The following NTRK2 variants were observed in gnomAD, a reference collection of about 807,000 sequenced individuals.
NTRK2 encodes neurotrophic receptor tyrosine kinase 2, also known as BDNF/NT-3 growth factors receptor.
NTRK2 carries 13 observed loss-of-function variants against 94.5 expected under a neutral mutation model. That is an observed-to-expected ratio of 0.14 (90% confidence interval 0.09 to 0.22). NTRK2 has a LOEUF of 0.22. Among genes scored for constraint, NTRK2 ranks in the 10% least tolerant of loss-of-function variants. NTRK2 has a pLI of 1.00. For synonymous variants in NTRK2, 372 were observed against 407.4 expected (o/e 0.91, Z 1.05); for missense variants, 639 against 1,071.2 (o/e 0.60, Z 5.63).
At chr9:84,876,652 C>T (rs1396822192) in intron 14 of NTRK2, 6 of 1,059,146 alleles carry the variant, frequency 5.7e-6, no homozygotes, top group African/African-American at 4.9e-5. Flanking sequence ...TTTCCATCCT[C>T]CCATTTTTTT....
At chr9:84,834,673 G>A (rs760521474) in intron 12 of NTRK2, among the ~76,000 whole-genome samples, 9 of 152,138 alleles carry the variant, frequency 5.9e-5, no homozygotes, top group South Asian at 4.1e-4. Flanking sequence ...CTGCGCACAT[G>A]TTGAGAGTTC....
intron 14 of NTRK2, among the ~76,000 whole-genome samples, chr9:84,888,304 A>G (rs1255833265): frequency 6.6e-6 from 1 of 152,092 alleles, no homozygotes; most frequent in Non-Finnish European, 1.5e-5. Context: ...AGATGAGGAA[A>G]GGGATGCTTG....
intron 17 of NTRK2, among the ~76,000 whole-genome samples, chr9:84,990,041 G>A (rs903304351): frequency 1.3e-5 from 2 of 152,138 alleles, no homozygotes; most frequent in African/African-American, 4.8e-5. Context: ...CCTTGCTCAG[G>A]CAGCACAGAC....
In NTRK2 at chr9:84,709,572, G is replaced by A. The variant is rs191612286; in HGVS notation, c.429-1065G>A. 3.2e-4 allele frequency among the ~76,000 whole-genome samples: 48 copies of A among 152,200 alleles called. 1 individual carries two copies. The highest frequency in any genetic ancestry group is 1.2e-3 in the African/African-American group (48 of 41,522). ...AAGAAACTCCTGGAAAAGTCTCCAGGGATCCCTGAGATTCTTAGAACCCAA... is the reference window on the plus strand; with the variant it reads ...AAGAAACTCCTGGAAAAGTCTCCAGAGATCCCTGAGATTCTTAGAACCCAA... On this transcript the variant is annotated intron_variant, in intron 5 of 18. Coordinates refer to ENST00000277120, the MANE Select transcript of NTRK2 (RefSeq NM_006180.6).
At position 84,707,804 on chromosome 9, in the gene NTRK2, A is replaced by G. The variant is rs368928501; in HGVS notation, c.360-40A>G. 3.4e-6 allele frequency: 5 copies of G among 1,484,340 alleles called. No individual in the cohort carries two copies. In the African/African-American group the frequency reaches 6.9e-5, roughly 20 times the overall value. The allele number at this position is 1,484,340 out of a possible 1,614,324, so 91.9% of individuals were successfully genotyped here. ...TTGAATACTGTGTTCCTAAAATGTA[A>G]CATTTTAAATTCATGTTTAATGTTT... On this transcript the variant is annotated intron_variant, in intron 4 of 18. Coordinates refer to ENST00000277120, the MANE Select transcript of NTRK2 (RefSeq NM_006180.6).
chr9:84,940,733 T>C (rs1587996074), intron 15 of NTRK2, among the ~76,000 whole-genome samples: 1 of 147,580 alleles, frequency 6.8e-6, no homozygotes, highest in South Asian at 2.1e-4. Context: ...TCTGGAACAG[T>C]TTAAAAAAAA....
At chr9:84,815,083 C>T (rs1429802922) in intron 12 of NTRK2, 2 of 1,058,302 alleles carry the variant, frequency 1.9e-6, no homozygotes, top group Non-Finnish European at 2.3e-6. Context: ...AGTTCCATGA[C>T]AATGACTGTC....
At chr9:84,720,445 T>A (rs550818230) in intron 6 of NTRK2, among the ~76,000 whole-genome samples, 1 of 152,340 alleles carries the variant, frequency 6.6e-6, no homozygotes, top group East Asian at 1.9e-4. Flanking sequence ...TGGAAGAGCA[T>A]TATTTGAATA....
chr9:84,869,468 T>A (rs1163479144), intron 14 of NTRK2, among the ~76,000 whole-genome samples: 1 of 152,194 alleles, frequency 6.6e-6, no homozygotes, highest in Non-Finnish European at 1.5e-5. Flanking sequence ...ATAACAAATC[T>A]TCCATGAATC....
intron 17 of NTRK2, among the ~76,000 whole-genome samples, chr9:84,978,945 A>G (rs1827248885): frequency 6.6e-6 from 1 of 152,214 alleles, no homozygotes; most frequent in Non-Finnish European, 1.5e-5. Flanking sequence ...GGTTAACTGA[A>G]TATTTTAAGC....
intron 6 of NTRK2, among the ~76,000 whole-genome samples, chr9:84,720,565 G>A (rs2061994678): frequency 6.6e-6 from 1 of 152,098 alleles, no homozygotes; most frequent in African/African-American, 2.4e-5. Flanking sequence ...TCATAAATTT[G>A]TGCGATGTTT....
At chr9:84,926,843 C>G (rs1587956377) in intron 14 of NTRK2, among the ~76,000 whole-genome samples, 1 of 152,258 alleles carries the variant, frequency 6.6e-6, no homozygotes. Flanking sequence ...TTGAGTATGC[C>G]CATAGGTGTT....
chr9:84,872,364 A>AT lies in NTRK2; in HGVS notation c.1633+4933_1633+4934insT. 8.2e-6 allele frequency: 9 copies of AT among 1,099,464 alleles called. No homozygotes were observed. The South Asian group carries it at 1.6e-4, about 19-fold the overall frequency. The allele number at this position is 1,099,464 out of a possible 1,614,324, so 68.1% of individuals were successfully genotyped here. A position where few individuals can be genotyped will look rare whatever the true frequency, so the allele number is the denominator to read the frequency against. The stretch of plus-strand genomic sequence containing the variant: ...AAATCATCAATCTTGGGTTCTCTTG[A>AT]AGGGCAGGAGTGTGTTTTATCTTCT... On this transcript the variant is annotated intron_variant, in intron 14 of 18. Transcript: ENST00000277120.
intron 17 of NTRK2, among the ~76,000 whole-genome samples, chr9:84,967,448 T>C (rs1336452411): frequency 6.6e-6 from 1 of 152,220 alleles, no homozygotes; most frequent in African/African-American, 2.4e-5. Flanking sequence ...AAGGTATCCT[T>C]GTGGGTGTCT....
At chr9:84,839,158 A>T (rs529855962) in intron 12 of NTRK2, among the ~76,000 whole-genome samples, 2 of 152,200 alleles carry the variant, frequency 1.3e-5, no homozygotes, top group Non-Finnish European at 2.9e-5. Context: ...TTTGTCAGAA[A>T]GTTTCTGTTT....
chr9:84,778,255 C>T (rs576984366), intron 12 of NTRK2, among the ~76,000 whole-genome samples: 1 of 152,162 alleles, frequency 6.6e-6, no homozygotes, highest in East Asian at 1.9e-4. Flanking sequence ...AGATTAAGAC[C>T]CTGTCTAAAT....
chr9:84,910,524 A>C (rs1281900489), intron 14 of NTRK2, among the ~76,000 whole-genome samples: 1 of 152,178 alleles, frequency 6.6e-6, no homozygotes, highest in Non-Finnish European at 1.5e-5. Context: ...GGCCTACTCT[A>C]ATCCAGAGTG....
intron 11 of NTRK2, among the ~76,000 whole-genome samples, chr9:84,747,688 A>G (rs185584302): frequency 2.6e-5 from 4 of 152,128 alleles, no homozygotes; most frequent in African/African-American, 7.2e-5. Flanking sequence ...TCACCATGTT[A>G]GCCAGGATGG....
chr9:84,725,736 G>A (rs899181732), intron 8 of NTRK2, among the ~76,000 whole-genome samples: 16 of 151,024 alleles, frequency 1.1e-4, no homozygotes, highest in African/African-American at 3.9e-4. Context: ...TTTTATAGAT[G>A]AAGTCACATA....
Sources: allele counts gnomAD v4.1 joint callset (sites outside exome capture counted in the v4.1 genomes callset), GRCh38; gene constraint gnomAD v4.1.1; transcripts MANE v1.5; gene names NCBI Gene and HGNC (gene_info 2026-07-23, HGNC 2026-07-21).